OPN3: variants seen among roughly 807,000 people sequenced by gnomAD.
OPN3 encodes the protein opsin-3.
In OPN3, 29 loss-of-function variants were observed where a neutral mutation model predicts 33.8. The ratio of observed to expected loss-of-function variants is 0.86; its 90% confidence interval spans 0.64 to 1.17. The LOEUF is 1.17. Ranked by LOEUF, OPN3 falls within the 50% of genes most tolerant of loss-of-function variation. OPN3 has a pLI of 0.00. For synonymous variants in OPN3, 216 were observed against 216.1 expected, an observed-to-expected ratio of 1.00 and a Z score of 0.00; for missense variants, 437 against 514.1, an observed-to-expected ratio of 0.85 and a Z score of 1.45.
chr1:241,596,180 A>G lies in OPN3; in HGVS notation c.946-1489T>C, dbSNP rs1424014856. ...GCCCATTGGCTGAGAGAAAGAGTGC[A>G]ACAAATAATTGTTAGTTAATGTATT... On this transcript the variant is annotated intron_variant, in intron 3 of 3. Transcript: ENST00000366554. 4.6e-5 allele frequency among the ~76,000 whole-genome samples: 7 copies of G among 152,298 alleles called. No homozygotes were observed. In the East Asian group the frequency reaches 1.4e-3, roughly 29 times the overall value.
intron 1 of OPN3, among the ~76,000 whole-genome samples, chr1:241,619,391 G>A (rs368244312): frequency 6.6e-6 from 1 of 152,172 alleles, no homozygotes; most frequent in Non-Finnish European, 1.5e-5. Flanking sequence ...TGAGGAAAGG[G>A]CATCTTTTCT....
intron 1 of OPN3, among the ~76,000 whole-genome samples, chr1:241,638,766 C>CA (rs1256753211): frequency 6.6e-6 from 1 of 151,914 alleles, no homozygotes; most frequent in South Asian, 2.1e-4. Flanking sequence ...TTCAAAACGC[C>CA]AAAAAATGAA....
At chr1:241,609,147 A>G (rs1019511266) in intron 1 of OPN3, among the ~76,000 whole-genome samples, 1 of 152,264 alleles carries the variant, frequency 6.6e-6, no homozygotes, top group Non-Finnish European at 1.5e-5. Flanking sequence ...TATGAGGAAG[A>G]CAACCAAATT....
chr1:241,640,008 T>A lies in OPN3; in HGVS notation c.247A>T (p.Ile83Phe), dbSNP rs772054273. The A allele has an allele frequency of 1.2e-6, 2 of 1,613,186 alleles. No homozygotes were observed. The highest frequency in any genetic ancestry group is 2.7e-5 in the African/African-American group (2 of 74,792). Residue 83 changes from isoleucine to phenylalanine, a missense_variant, in exon 1 of 4, where the codon ATC (isoleucine) becomes TTC (phenylalanine). Coordinates refer to ENST00000366554, the MANE Select transcript of OPN3 (RefSeq NM_014322.3). ...RTPTHLLLVN[I>F]SLSDLLVSLF... ...GACACCAGCAGGTCGCTGAGGCTGA[T>A]GTTGACCAGGAGGAGGTGAGTGGGA...
At chr1:241,614,481 G>T (rs1664071628) in intron 1 of OPN3, among the ~76,000 whole-genome samples, 1 of 152,146 alleles carries the variant, frequency 6.6e-6, no homozygotes, top group African/African-American at 2.4e-5. Flanking sequence ...TAAAAAATAG[G>T]GTACACGGGG....
At chr1:241,626,238 G>A (rs1387239599) in intron 1 of OPN3, among the ~76,000 whole-genome samples, 1 of 152,142 alleles carries the variant, frequency 6.6e-6, no homozygotes, top group Non-Finnish European at 1.5e-5. Flanking sequence ...AAGGCAAGAG[G>A]ATGACATGGA....
intron 1 of OPN3, chr1:241,629,607 A>G (rs1486739290): frequency 2.6e-5 from 4 of 152,094 alleles, no homozygotes; most frequent in African/African-American, 9.7e-5. Context: ...TTTACTACAC[A>G]TTTAAAACTT....
rs1573969288 is a variant in OPN3 at position 241,635,929 on chromosome 1, A to G, written c.373+3953T>C. 1.9e-5 allele frequency: 12 copies of G among 642,402 alleles called. No individual in the cohort carries two copies. The East Asian group carries it at 2.0e-4, about 11-fold the overall frequency. 39.8% of individuals were successfully genotyped at this position (642,402 alleles called of 1,614,324 possible). Reference sequence around the variant, plus strand: ...ACCCTTTTAAAATATTTTTTTTCTTATAAGTCAGTAGCATAAAAACATGAG... The same window carrying G: ...ACCCTTTTAAAATATTTTTTTTCTTGTAAGTCAGTAGCATAAAAACATGAG... On this transcript the variant is annotated intron_variant, in intron 1 of 3. Coordinates refer to ENST00000366554, the MANE Select transcript of OPN3 (RefSeq NM_014322.3).
At chr1:241,619,440 T>C (rs1357777505) in intron 1 of OPN3, among the ~76,000 whole-genome samples, 2 of 152,234 alleles carry the variant, frequency 1.3e-5, no homozygotes, top group Non-Finnish European at 2.9e-5. Flanking sequence ...ACTTTACTCA[T>C]TTCTAGCTTT....
chr1:241,634,597 A>G (rs1664798054), intron 1 of OPN3: 1 of 1,613,758 alleles, frequency 6.2e-7, no homozygotes, highest in Non-Finnish European at 8.5e-7. Context: ...CACACATCCT[A>G]CAGAAACCCT....
chr1:241,629,632 T>TCTAC (rs1284731004), intron 1 of OPN3: 2 of 152,128 alleles, frequency 1.3e-5, no homozygotes, highest in Non-Finnish European at 2.9e-5. Flanking sequence ...TCTTAGTTGA[T>TCTAC]CTACCTTGCC....
chr1:241,603,403 C>T (rs1663730016), intron 2 of OPN3, among the ~76,000 whole-genome samples: 1 of 151,512 alleles, frequency 6.6e-6, no homozygotes, highest in Admixed American at 6.6e-5. Flanking sequence ...CAGTAGACCA[C>T]ACATACAGGG....
chr1:241,635,747 G>T, intron 1 of OPN3: 1 of 1,609,538 alleles, frequency 6.2e-7, no homozygotes. Context: ...ATCAAACTCT[G>T]TGGGAAGATT....
chr1:241,613,609 A>G (rs1379599689), intron 1 of OPN3, among the ~76,000 whole-genome samples: 1 of 152,194 alleles, frequency 6.6e-6, no homozygotes, highest in Non-Finnish European at 1.5e-5. Context: ...GAAGAATTTT[A>G]GAGAAAATGA....
chr1:241,618,468 A>C (rs868824906), intron 1 of OPN3, among the ~76,000 whole-genome samples: 2 of 152,276 alleles, frequency 1.3e-5, no homozygotes, highest in South Asian at 4.2e-4. Flanking sequence ...CTTTAATATA[A>C]TCTCTATCAC....
chr1:241,616,880 C>A (rs531601537), intron 1 of OPN3, among the ~76,000 whole-genome samples: 1 of 152,036 alleles, frequency 6.6e-6, no homozygotes, highest in Non-Finnish European at 1.5e-5. Context: ...TTTTTCAACT[C>A]AAAATATGAT....
chr1:241,599,919 A>G (rs556957579), intron 2 of OPN3, among the ~76,000 whole-genome samples: 2 of 152,316 alleles, frequency 1.3e-5, no homozygotes, highest in Non-Finnish European at 2.9e-5. Context: ...AGACTAACAC[A>G]CTTGTATGTA....
chr1:241,621,736 CA>C (rs1362781561), intron 1 of OPN3, among the ~76,000 whole-genome samples: 2 of 152,000 alleles, frequency 1.3e-5, no homozygotes, highest in Non-Finnish European at 2.9e-5. Context: ...AGGGAGGATC[CA>C]GTGGAAGCTC....
intron 1 of OPN3, among the ~76,000 whole-genome samples, chr1:241,626,392 A>T (rs1201865533): frequency 1.3e-5 from 2 of 151,270 alleles, no homozygotes; most frequent in Non-Finnish European, 2.9e-5. Flanking sequence ...CAATCTCCTG[A>T]CAAACTATTT....
Sources: gnomAD v4.1 joint callset for allele counts (sites outside exome capture counted in the v4.1 genomes callset) on GRCh38, gnomAD v4.1.1 for gene constraint, MANE v1.5 for transcripts, NCBI Gene and HGNC (gene_info 2026-07-23, HGNC 2026-07-21) for gene names.